The following POLR3E variants were observed in gnomAD, a reference collection of about 807,000 sequenced individuals.
The protein encoded by POLR3E is DNA-directed RNA polymerase III subunit RPC5.
A neutral mutation model predicts 96.6 loss-of-function variants in POLR3E; 41 were observed. The observed-to-expected ratio is 0.42, with a 90% CI of 0.33 to 0.55. POLR3E has a LOEUF of 0.55. POLR3E is among the 20% of genes least tolerant of loss of function. The pLI is 0.06. For missense variants in POLR3E, 849 were observed against 952.1 expected, an observed-to-expected ratio of 0.89 and a Z score of 1.43; for synonymous variants, 396 against 383.6, an observed-to-expected ratio of 1.03 and a Z score of -0.38.
At chr16:22,325,687 C>T in intron 17 of POLR3E, 74 bp from the exon 18 acceptor site, 1 of 1,472,616 alleles carries the variant, frequency 6.8e-7, no homozygotes, top group South Asian at 1.4e-5. Context: ...TTGCTGCAGC[C>T]CCGCGGTCCC....
intron 18 of POLR3E, chr16:22,327,529 T>A (rs1321806266): frequency 6.6e-6 from 1 of 152,248 alleles, no homozygotes; most frequent in African/African-American, 2.4e-5. Flanking sequence ...CCTCTGTCCA[T>A]GTTGCTTTGG....
chr16:22,314,075 G>A lies in POLR3E; in HGVS notation c.473-4G>A, dbSNP rs762838473. 1.9e-6 allele frequency: 3 copies of A among 1,613,334 alleles called. No individual in the cohort carries two copies. In the South Asian group the frequency reaches 3.3e-5, roughly 18 times the overall value. On this transcript the variant is annotated splice_polypyrimidine_tract_variant and splice_region_variant and intron_variant, in intron 7 of 20. Coordinates refer to ENST00000299853, the MANE Select transcript of POLR3E (RefSeq NM_018119.4). ...CTGCAGTCAGTGGCTTGTCTCTCTT[G>A]CAGCAGGGGACTCTTCACAGGATGA...
intron 13 of POLR3E, among the ~76,000 whole-genome samples, chr16:22,320,754 C>G (rs772685213): frequency 6.6e-6 from 1 of 152,166 alleles, no homozygotes; most frequent in African/African-American, 2.4e-5. Flanking sequence ...GTTGGTGATG[C>G]ATTTCCTTGG....
At chr16:22,298,681 C>T (rs577145377) in intron 1 of POLR3E, among the ~76,000 whole-genome samples, 1 of 152,290 alleles carries the variant, frequency 6.6e-6, no homozygotes, top group South Asian at 2.1e-4. Flanking sequence ...TTTGACATAG[C>T]GAGACCCAAG....
In POLR3E at chr16:22,297,445, C is replaced by T. The variant is rs1326606861; in HGVS notation, c.-131C>T. The T allele has an allele frequency of 2.0e-5, 3 of 152,526 alleles. No homozygotes were observed. The highest frequency in any genetic ancestry group is 2.9e-5 in the Non-Finnish European group (2 of 68,302). 9.4% of individuals were successfully genotyped at this position (152,526 alleles called of 1,614,324 possible). A position where few individuals can be genotyped will look rare whatever the true frequency, so the allele number is the denominator to read the frequency against. On this transcript the variant is annotated 5_prime_UTR_variant, in exon 1 of 21. Coordinates refer to ENST00000299853, the MANE Select transcript of POLR3E (RefSeq NM_018119.4). ...GGAGTTTCTCCACCAGCAACATGGC[C>T]GCCGCCTGAGAGGAGAGCCGGGCCG...
Position 22,298,894 on chromosome 16 carries a change from A to T in POLR3E, c.-39+1357A>T, listed in dbSNP as rs1489216111. 15 of 436,690 alleles carry T rather than the reference A, an allele frequency of 3.4e-5. No homozygotes were observed. The East Asian group carries it at 1.1e-3, about 31-fold the overall frequency. The allele number at this position is 436,690 out of a possible 1,614,324, so 27.1% of individuals were successfully genotyped here. On this transcript the variant is annotated intron_variant, in intron 1 of 20. Transcript: ENST00000299853. ...GAACCAGCACTGGATTTTTTTTTTA[A>T]AGTAATGCTCCCCATAACAGCTTTG...
At chr16:22,328,413 C>T in intron 18 of POLR3E, 97 bp from the exon 19 acceptor site, 1 of 1,005,166 alleles carries the variant, frequency 9.9e-7, no homozygotes, top group Non-Finnish European at 1.6e-6. Context: ...AACCCATGTT[C>T]CTGCATCTGG....
intron 2 of POLR3E, among the ~76,000 whole-genome samples, chr16:22,303,414 G>A (rs1598234278): frequency 6.6e-6 from 1 of 152,106 alleles, no homozygotes; most frequent in Non-Finnish European, 1.5e-5. Flanking sequence ...GGTACCCGGC[G>A]ACTATTTGGT....
Position 22,318,963 on chromosome 16 carries a change from ATTT to A in POLR3E, c.986+21_986+23del. On this transcript the variant is annotated intron_variant, in intron 13 of 20. Coordinates refer to ENST00000299853, the MANE Select transcript of POLR3E (RefSeq NM_018119.4). The surrounding 1 kb of genome is among the most constrained non-coding windows in gnomAD (Gnocchi z 5.0). ...GGTGAAGAGGTAAGTTGCTTTTTTTATTTTTTATTTTTATTTATTTTTTTCCTT... is the reference window on the plus strand; with the variant it reads ...GGTGAAGAGGTAAGTTGCTTTTTTTATTTATTTTTATTTATTTTTTTCCTT... 1 of 1,554,634 alleles carries A rather than the reference ATTT, an allele frequency of 6.4e-7. No homozygotes were observed. The highest frequency in any genetic ancestry group is 8.7e-7 in the Non-Finnish European group (1 of 1,148,864).
chr16:22,308,022 C>A, intron 3 of POLR3E, 126 bp from the exon 4 acceptor site: 2 of 693,882 alleles, frequency 2.9e-6, no homozygotes, highest in Non-Finnish European at 5.2e-6. Context: ...AGCTTGTACC[C>A]TTGTGGTAGG....
chr16:22,324,607 G>C lies in POLR3E; in HGVS notation c.1233G>C (p.Lys411Asn). ...CTTATGATGGGGAGTTCATCAAGAA[G>C]CACCCGGATGTGGTCCAGCGGCAGC... ...ILPYDGEFIK[K>N]HPDVVQRQHM... Residue 411 changes from lysine to asparagine, a missense_variant, in exon 16 of 21, where the codon AAG (lysine) becomes AAC (asparagine). Coordinates refer to ENST00000299853, the MANE Select transcript of POLR3E (RefSeq NM_018119.4). 6.2e-7 allele frequency: 1 copy of C among 1,613,866 alleles called. No homozygotes were observed. The highest frequency in any genetic ancestry group is 8.5e-7 in the Non-Finnish European group (1 of 1,179,948).
intron 8 of POLR3E, among the ~76,000 whole-genome samples, chr16:22,314,362 A>T (rs1437726658): frequency 6.6e-6 from 1 of 152,178 alleles, no homozygotes; most frequent in Non-Finnish European, 1.5e-5. Flanking sequence ...GTCACCTGGG[A>T]GCAGGAAGCT....
intron 7 of POLR3E, 57 bp from the exon 8 acceptor site, chr16:22,314,022 A>G: frequency 1.4e-6 from 2 of 1,473,816 alleles, no homozygotes; most frequent in Non-Finnish European, 1.9e-6. Flanking sequence ...GGTGGGGTTG[A>G]GAGAAGGGAG....
intron 1 of POLR3E, 153 bp from the exon 2 acceptor site, chr16:22,302,778 G>A: frequency 2.9e-6 from 2 of 686,490 alleles, no homozygotes; most frequent in Non-Finnish European, 2.7e-6. Context: ...GTATAGGGTT[G>A]GTCATCCATT....
At chr16:22,303,143 T>C in intron 2 of POLR3E, 139 bp downstream of exon 2, 1 of 815,184 alleles carries the variant, frequency 1.2e-6, no homozygotes, top group Non-Finnish European at 2.1e-6. Flanking sequence ...CCTGGTCCCC[T>C]CTGCTGTCCC....
intron 16 of POLR3E, 135 bp downstream of exon 16, chr16:22,324,795 G>C: frequency 2.1e-6 from 2 of 966,438 alleles, no homozygotes; most frequent in South Asian, 1.4e-5. Flanking sequence ...CTGGATCTGG[G>C]TGTGAAGGGC....
chr16:22,332,048 T>C lies in POLR3E; in HGVS notation c.1945-12T>C. The C allele has an allele frequency of 6.2e-7, 1 of 1,612,852 alleles. No homozygotes were observed. Among genetic ancestry groups the C allele is most frequent in the Non-Finnish European group, 8.5e-7 (1 of 1,179,354 alleles). On this transcript the variant is annotated splice_polypyrimidine_tract_variant and intron_variant, in intron 19 of 20. Transcript: ENST00000299853. ...CACTGTTTCCCATCATAACGTGTTT[T>C]TGCTACTAAAGCATCGACAGGTTTT...
intron 3 of POLR3E, chr16:22,305,485 G>A (rs1293972268): frequency 1.2e-5 from 8 of 651,060 alleles, no homozygotes; most frequent in Non-Finnish European, 2.0e-5. Flanking sequence ...CCATAGCTGC[G>A]AGACCGTGGG....
In POLR3E at chr16:22,318,476, C is replaced by T. The variant is rs531281978; in HGVS notation, c.866-350C>T. The stretch of plus-strand genomic sequence containing the variant: ...AGTGATTGAGGGTACCAAGTGGAGC[C>T]AAGTGGCTTGGGTTCACTTCCTGGC... On this transcript the variant is annotated intron_variant, in intron 12 of 20. Coordinates refer to ENST00000299853, the MANE Select transcript of POLR3E (RefSeq NM_018119.4). The surrounding 1 kb of genome is among the most constrained non-coding windows in gnomAD (Gnocchi z 5.0). 6.6e-6 allele frequency among the ~76,000 whole-genome samples: 1 copy of T among 152,318 alleles called. No homozygotes were observed. Among genetic ancestry groups the T allele is most frequent in the East Asian group, 1.9e-4 (1 of 5,182 alleles).
Sources: gnomAD v4.1 joint callset for allele counts (sites outside exome capture counted in the v4.1 genomes callset) on GRCh38, gnomAD v4.1.1 for gene constraint, Gnocchi (gnomAD v3.1) non-coding constraint, MANE v1.5 for transcripts, NCBI Gene and HGNC (gene_info 2026-07-23, HGNC 2026-07-21) for gene names.